The following TBC1D31 variants were observed in gnomAD, a reference collection of about 807,000 sequenced individuals.
The protein encoded by TBC1D31 is TBC1 domain family member 31.
In TBC1D31, 99 loss-of-function variants were observed where a neutral mutation model predicts 132.9. The observed-to-expected ratio is 0.74, with a 90% confidence interval of 0.63 to 0.88. The LOEUF (loss-of-function observed/expected upper bound fraction) is 0.88. Among genes scored for constraint, TBC1D31 ranks in the 40% least tolerant of loss-of-function variants. TBC1D31 has a pLI of 0.00. For synonymous variants in TBC1D31, 385 were observed against 419.4 expected (o/e 0.92, Z 1.00); for missense variants, 1,134 against 1,256.6 (o/e 0.90, Z 1.48).
rs1821594703 is a variant in TBC1D31 at position 123,140,894 on chromosome 8, C to T, written c.2633C>T (p.Thr878Ile). 1.9e-6 allele frequency: 3 copies of T among 1,613,008 alleles called. No homozygotes were observed. Among genetic ancestry groups the T allele is most frequent in the Non-Finnish European group, 2.5e-6 (3 of 1,179,748 alleles). The change falls in exon 18 of 22, where the codon ACT becomes ATT. Residue 878 changes from threonine to isoleucine, a missense_variant. Transcript: ENST00000287380. ...GCAGGTGAAACCCAGAGCCAGAAAA[C>T]TCAGAAGGTAAAAATATGATCCATT... ...IEAGETQSQK[T>I]QKVIKENLAK...
At chr8:123,143,356 T>C (rs1014111539) in intron 19 of TBC1D31, among the ~76,000 whole-genome samples, 1 of 152,198 alleles carries the variant, frequency 6.6e-6, no homozygotes, top group East Asian at 1.9e-4. Context: ...TAGCTAAAAA[T>C]AAAAACAAAA....
intron 17 of TBC1D31, 29 bp downstream of exon 17, chr8:123,134,235 A>G (rs764346528): frequency 6.2e-7 from 1 of 1,600,708 alleles, no homozygotes; most frequent in East Asian, 2.2e-5. Context: ...CAACATAAGA[A>G]AAGCAGGTTT....
At chr8:123,072,897 G>A (rs975862928) in intron 1 of TBC1D31, 51 bp downstream of exon 1, 17 of 1,520,050 alleles carry the variant, frequency 1.1e-5, no homozygotes, top group Non-Finnish European at 1.4e-5. Context: ...GGAGACCGGC[G>A]AGGAGGGGAC....
chr8:123,161,770 G>T, the TBC1D31 span, among the ~76,000 whole-genome samples: 1 of 151,766 alleles, frequency 6.6e-6, no homozygotes, highest in Non-Finnish European at 1.5e-5. Flanking sequence ...TAATCCCAAC[G>T]CTTTGGGAGG....
intron 19 of TBC1D31, among the ~76,000 whole-genome samples, 187 bp from the exon 20 acceptor site, chr8:123,144,530 G>A (rs2272723): frequency 0.18 from 27,654 of 152,096 alleles, 2,578 homozygotes; most frequent in South Asian, 0.22. Flanking sequence ...ACCTGCCTCT[G>A]CTTTCAAGGC....
At chr8:123,146,761 T>C (rs1447897950) in intron 20 of TBC1D31, among the ~76,000 whole-genome samples, 1 of 152,120 alleles carries the variant, frequency 6.6e-6, no homozygotes, top group Non-Finnish European at 1.5e-5. Flanking sequence ...CTTGGCTTAC[T>C]GCAACCTCTG....
chr8:123,126,739 CTATT>C (rs762324794), intron 13 of TBC1D31, 52 bp downstream of exon 13: 26 of 1,487,640 alleles, frequency 1.7e-5, no homozygotes, highest in Non-Finnish European at 2.4e-5. Context: ...TTATTTCTCT[CTATT>C]TTTTTTTTAA....
intron 6 of TBC1D31, among the ~76,000 whole-genome samples, chr8:123,099,907 G>A (rs949303455): frequency 1.4e-4 from 22 of 152,076 alleles, no homozygotes; most frequent in Admixed American, 6.5e-4. Flanking sequence ...GGTGAGAAAG[G>A]GAGGGAGGAA....
rs1374120119 is a variant in TBC1D31, at chr8:123,072,816, A to T, written c.47A>T (p.His16Leu). 6.4e-7 allele frequency: 1 copy of T among 1,573,090 alleles called. No homozygotes were observed. Among genetic ancestry groups the T allele is most frequent in the Non-Finnish European group, 8.6e-7 (1 of 1,159,880 alleles). The part of the protein sequence containing the change: ...LGNKESGKIW[H>L]RKPSPATRDG... Reference sequence around the variant, plus strand: ...AACAAGGAGAGCGGCAAGATATGGCACCGCAAGCCGTCCCCGGCCACGCGG... The same window carrying T: ...AACAAGGAGAGCGGCAAGATATGGCTCCGCAAGCCGTCCCCGGCCACGCGG... The change falls in exon 1 of 22, where the codon CAC becomes CTC. Residue 16 changes from histidine (H) to leucine (L), a missense_variant. By Grantham distance (99) the His-to-Leu change is moderately conservative. Coordinates refer to ENST00000287380, the MANE Select transcript of TBC1D31 (RefSeq NM_145647.4).
chr8:123,085,299 T>C (rs181913492), intron 4 of TBC1D31, among the ~76,000 whole-genome samples: 1 of 152,296 alleles, frequency 6.6e-6, no homozygotes, highest in Admixed American at 6.5e-5. Flanking sequence ...CCCAGAAAAT[T>C]CCATCATCTC....
chr8:123,155,801 G>T (rs1423269326), downstream of TBC1D31, among the ~76,000 whole-genome samples: 2 of 152,178 alleles, frequency 1.3e-5, no homozygotes, highest in Non-Finnish European at 1.5e-5. This position sits in a 1 kb window ranked among gnomAD's most constrained non-coding sequence, Gnocchi z 4.1. Flanking sequence ...CTAGGGAAAA[G>T]AAAACACCCA....
At chr8:123,157,741 A>C in the TBC1D31 span, among the ~76,000 whole-genome samples, 5 of 147,982 alleles carry the variant, frequency 3.4e-5, 1 homozygote, top group Admixed American at 3.3e-4. Context: ...ACACACACAC[A>C]CCCGCTGTTA....
rs148945860 is a variant in TBC1D31, at chr8:123,126,094, C to A, written c.1609C>A (p.Pro537Thr). 5.6e-5 allele frequency: 90 copies of A among 1,608,598 alleles called. No individual in the cohort carries two copies. In the African/African-American group the frequency reaches 1.0e-3, roughly 18 times the overall value. ...ACACTGGTTTGAATATTTTCCTAAT[C>A]CTCCTATCAATATTCTTAGCATGAT... ...CQHWFEYFPN[P>T]PINILSMIEN... Residue 537 changes from proline (P) to threonine (T), a missense_variant, in exon 12 of 22, where the codon CCT becomes ACT. Physicochemically the swap from Pro to Thr is conservative, Grantham distance 38 (BLOSUM62 -1). Coordinates refer to ENST00000287380, the MANE Select transcript of TBC1D31 (RefSeq NM_145647.4).
the TBC1D31 span, among the ~76,000 whole-genome samples, chr8:123,157,251 T>A: frequency 6.6e-6 from 1 of 152,146 alleles, no homozygotes; most frequent in African/African-American, 2.4e-5. Context: ...AGGATCGAAC[T>A]CACGACCTTC....
chr8:123,130,315 T>A lies in TBC1D31; in HGVS notation c.2388T>A (p.Asp796Glu). The change falls in exon 16 of 22, where the codon GAT becomes GAA. Residue 796 changes from aspartate to glutamate, a missense_variant. Asp to Glu is a conservative substitution (Grantham distance 45). Transcript: ENST00000287380. The stretch of plus-strand genomic sequence containing the variant: ...AGGAAATGGAACTAAGAAGACTGGA[T>A]GATGAAATTGGGAGAAAGGTTTATT... ...DQQEMELRRL[D>E]DEIGRKVYMR... 1.9e-6 allele frequency: 3 copies of A among 1,611,550 alleles called. No individual in the cohort carries two copies. The highest frequency in any genetic ancestry group is 2.5e-6 in the Non-Finnish European group (3 of 1,178,804).
rs1394035312 is a variant in TBC1D31 at position 123,084,006 on chromosome 8, A to G, written c.341-156A>G. On this transcript the variant is annotated intron_variant, in intron 3 of 21. Transcript: ENST00000287380. ...ACATGTTCCGTCATACACTTTATCA[A>G]CTAGCCACAAGCTTCCATTTTTGTG... The G allele has an allele frequency of 1.6e-5, 10 of 618,000 alleles. No homozygotes were observed. In the Admixed American group the frequency reaches 2.9e-4, roughly 18 times the overall value. The allele number at this position is 618,000 out of a possible 1,614,324, so 38.3% of individuals were successfully genotyped here. A position where few individuals can be genotyped will look rare whatever the true frequency, so the allele number is the denominator to read the frequency against.
At chr8:123,078,640 G>A (rs1421806316) in intron 2 of TBC1D31, among the ~76,000 whole-genome samples, 1 of 152,188 alleles carries the variant, frequency 6.6e-6, no homozygotes, top group African/African-American at 2.4e-5. Flanking sequence ...GGATGAGCCT[G>A]TAACATTTTG....
At chr8:123,078,413 A>G (rs1419446133) in intron 2 of TBC1D31, among the ~76,000 whole-genome samples, 1 of 152,230 alleles carries the variant, frequency 6.6e-6, no homozygotes, top group Non-Finnish European at 1.5e-5. Context: ...GGTTTTGAAT[A>G]TATAGAGATA....
chr8:123,157,178 C>A, the TBC1D31 span, among the ~76,000 whole-genome samples: 1 of 152,168 alleles, frequency 6.6e-6, no homozygotes, highest in Non-Finnish European at 1.5e-5. Context: ...CTTTGACAAG[C>A]AAACAACGCT....
Sources: allele counts gnomAD v4.1 joint callset (sites outside exome capture counted in the v4.1 genomes callset), GRCh38; gene constraint gnomAD v4.1.1; non-coding constraint Gnocchi (gnomAD v3.1); transcripts MANE v1.5; gene names NCBI Gene and HGNC (gene_info 2026-07-23, HGNC 2026-07-21).